The following RPS6KA3 variants were observed in gnomAD, a reference collection of about 807,000 sequenced individuals.
RPS6KA3 encodes the protein ribosomal protein S6 kinase alpha-3.
Under a neutral mutation model 67.2 loss-of-function variants are expected in RPS6KA3, and 4 were observed. The observed-to-expected ratio is 0.06, with a 90% CI of 0.03 to 0.14. The LOEUF (loss-of-function observed/expected upper bound fraction) is 0.14. Ranked by LOEUF, RPS6KA3 falls within the 10% of genes least tolerant of loss-of-function variation. The probability of loss-of-function intolerance (pLI) is 1.00; values close to 1 mark genes in which losing one functional copy is unlikely to be tolerated. For synonymous variants in RPS6KA3, 182 were observed against 183.7 expected (o/e 0.99, Z 0.07); for missense variants, 204 against 559.0 (o/e 0.36, Z 6.40).
At chrX:20,187,679 T>C (rs191895932) in intron 9 of RPS6KA3, 149 bp downstream of exon 9, 19 of 563,642 alleles carry the variant, frequency 3.4e-5, no homozygotes. Context: ...TCATAGTCCT[T>C]CTATACTGCA....
chrX:20,230,507 C>T (rs2069231984), intron 2 of RPS6KA3, among the ~76,000 whole-genome samples: 1 of 111,734 alleles, frequency 8.9e-6, no homozygotes, highest in South Asian at 3.8e-4. Context: ...GGAGAAGGAA[C>T]ATTGCCTTTG....
intron 7 of RPS6KA3, among the ~76,000 whole-genome samples, chrX:20,189,599 A>T (rs1232635081): frequency 8.9e-6 from 1 of 112,205 alleles, no homozygotes; most frequent in Non-Finnish European, 1.9e-5. Flanking sequence ...CTGTAAGCCA[A>T]TAATTGTGTT....
intron 2 of RPS6KA3, among the ~76,000 whole-genome samples, chrX:20,233,591 T>TA (rs921520867): frequency 4.7e-5 from 5 of 105,510 alleles, no homozygotes; most frequent in African/African-American, 1.0e-4. Context: ...ACACAAACAT[T>TA]AAAAAAAAAA....
intron 10 of RPS6KA3, among the ~76,000 whole-genome samples, 199 bp from the exon 11 acceptor site, chrX:20,177,283 C>T (rs1821609444): frequency 8.9e-6 from 1 of 112,244 alleles, no homozygotes. Flanking sequence ...AATATCACAT[C>T]CAGGATATTG....
At chrX:20,159,460 GTGGCTA>G (rs959681328) in intron 20 of RPS6KA3, among the ~76,000 whole-genome samples, 10 of 112,363 alleles carry the variant, frequency 8.9e-5, no homozygotes, top group Non-Finnish European at 1.9e-4. Flanking sequence ...CTTCTATCTT[GTGGCTA>G]ATCATGGAAT....
At chrX:20,247,922 A>G (rs1431081564) in intron 1 of RPS6KA3, among the ~76,000 whole-genome samples, 1 of 112,508 alleles carries the variant, frequency 8.9e-6, no homozygotes. Flanking sequence ...ATTACATTAA[A>G]GAACCATAGC....
chrX:20,178,608 G>A (rs1344877142), intron 10 of RPS6KA3, among the ~76,000 whole-genome samples: 2 of 97,223 alleles, frequency 2.1e-5, no homozygotes, highest in South Asian at 1.1e-3. Flanking sequence ...AAGTAGTTGG[G>A]ATTACAGGTG....
chrX:20,172,758 C>T lies in RPS6KA3; in HGVS notation c.1341G>A (p.Glu447=), dbSNP rs2148658588. The part of the protein sequence containing the change: ...KRCIHKATNM[E]FAVKIIDKSK... Reference sequence around the variant, plus strand: ...AAAAAAAATTTACCTTCACTGCAAACTCCATGTTTGTAGCTTTATGTATAC... The same window carrying T: ...AAAAAAAATTTACCTTCACTGCAAATTCCATGTTTGTAGCTTTATGTATAC... Residue 447 remains glutamate (E), a synonymous_variant, in exon 15 of 22, where the codon GAG becomes GAA. Transcript: ENST00000379565. 2.5e-6 allele frequency: 3 copies of T among 1,200,693 alleles called. No homozygotes were observed. The highest frequency in any genetic ancestry group is 3.4e-6 in the Non-Finnish European group (3 of 887,964).
At chrX:20,221,001 T>C (rs1388979120) in intron 2 of RPS6KA3, among the ~76,000 whole-genome samples, 1 of 112,227 alleles carries the variant, frequency 8.9e-6, no homozygotes, top group African/African-American at 3.2e-5. Flanking sequence ...GCTCATGTGA[T>C]TGGAATTCCT....
intron 2 of RPS6KA3, among the ~76,000 whole-genome samples, chrX:20,226,349 A>T (rs2069121777): frequency 9.0e-6 from 1 of 111,596 alleles, no homozygotes; most frequent in South Asian, 3.8e-4. Flanking sequence ...TATGTTCAAG[A>T]GACATCACAG....
At chrX:20,237,358 C>G (rs2069439075) in intron 1 of RPS6KA3, among the ~76,000 whole-genome samples, 1 of 111,738 alleles carries the variant, frequency 8.9e-6, no homozygotes, top group South Asian at 3.7e-4. Context: ...CTAACTTGAG[C>G]TACACGTACG....
intron 1 of RPS6KA3, among the ~76,000 whole-genome samples, chrX:20,260,800 C>T (rs2070204130): frequency 9.0e-6 from 1 of 111,464 alleles, no homozygotes; most frequent in African/African-American, 3.3e-5. Context: ...ATTTTCATCC[C>T]TATTTTACAA....
At chrX:20,180,998 C>G (rs1470373959) in intron 10 of RPS6KA3, among the ~76,000 whole-genome samples, 1 of 111,760 alleles carries the variant, frequency 8.9e-6, no homozygotes, top group African/African-American at 3.3e-5. Context: ...TGTAAAGACA[C>G]AGTTTTGAAG....
chrX:20,155,479 C>T lies in RPS6KA3; in HGVS notation c.2142G>A (p.Gln714=), dbSNP rs1241566447. 3.3e-6 allele frequency: 4 copies of T among 1,209,033 alleles called. No individual in the cohort carries two copies. In the Admixed American group the frequency reaches 8.8e-5, roughly 26 times the overall value. ...AATYSALNRN[Q]SPVLEPVGRS... ...GGCCTACTGGTTCCAAAACTGGTGA[C>T]TGATTACGGTTCAAAGCAGAATATG... The change falls in exon 22 of 22, where the codon CAG becomes CAA. Residue 714 remains glutamine, a synonymous_variant. Coordinates refer to ENST00000379565, the MANE Select transcript of RPS6KA3 (RefSeq NM_004586.3).
At position 20,155,358 on chromosome X, in the gene RPS6KA3, C is replaced by CT. The variant is rs1468348401; in HGVS notation, c.*39_*40insA. On this transcript the variant is annotated 3_prime_UTR_variant, in exon 22 of 22. Coordinates refer to ENST00000379565, the MANE Select transcript of RPS6KA3 (RefSeq NM_004586.3). ...TACCTGTCGCCAGAACTTGTGCTAT[C>CT]AGCTTACACCATGGTACCAAATATC... The CT allele has an allele frequency of 8.3e-7, 1 of 1,207,762 alleles. No homozygotes were observed. Among genetic ancestry groups the CT allele is most frequent in the East Asian group, 3.0e-5 (1 of 33,781 alleles).
intron 1 of RPS6KA3, chrX:20,266,240 C>T: frequency 5.0e-6 from 1 of 201,953 alleles, no homozygotes; most frequent in South Asian, 7.6e-5. Flanking sequence ...CCCAACTCCC[C>T]GCCGGCCCCC....
chrX:20,225,243 GTTTTTTTTTTTGT>G (rs1157647375), intron 2 of RPS6KA3, among the ~76,000 whole-genome samples: 39 of 79,924 alleles, frequency 4.9e-4, no homozygotes, highest in Non-Finnish European at 7.9e-4. Context: ...TTTTTTTTTT[GTTTTTTTTTTTGT>G]TTTTTTTTTT....
rs2070399098 is a variant in RPS6KA3 at position 20,266,704 on chromosome X, G to A, written c.-72C>T. The A allele has an allele frequency of 1.1e-5, 8 of 708,665 alleles. No homozygotes were observed. Among genetic ancestry groups the A allele is most frequent in the Non-Finnish European group, 1.2e-5 (7 of 580,536 alleles). 58.4% of individuals were successfully genotyped at this position (708,665 alleles called of 1,213,427 possible). On this transcript the variant is annotated 5_prime_UTR_variant, in exon 1 of 22. Transcript: ENST00000379565. Reference sequence around the variant, plus strand: ...GCCCCACGGCCGGCCCCGCTCCGTCGCCGCCCGAGCCCCACGGCAGCGGCG... The same window carrying A: ...GCCCCACGGCCGGCCCCGCTCCGTCACCGCCCGAGCCCCACGGCAGCGGCG...
At chrX:20,201,604 T>G (rs1038411738) in intron 4 of RPS6KA3, among the ~76,000 whole-genome samples, 4 of 111,591 alleles carry the variant, frequency 3.6e-5, no homozygotes, top group African/African-American at 1.3e-4. Flanking sequence ...GTTTATTAGT[T>G]GGAATTATAT....
Sources: gnomAD v4.1 joint callset for allele counts (sites outside exome capture counted in the v4.1 genomes callset) on GRCh38, gnomAD v4.1.1 for gene constraint, MANE v1.5 for transcripts, NCBI Gene and HGNC (gene_info 2026-07-23, HGNC 2026-07-21) for gene names.